Variants in OSBPL9 observed in about 807,000 individuals in gnomAD.
The protein encoded by OSBPL9 is oxysterol binding protein like 9.
OSBPL9 carries 40 observed loss-of-function variants against 106.6 expected under a neutral mutation model. The ratio of observed to expected loss-of-function variants is 0.38; its 90% CI spans 0.29 to 0.49. The LOEUF (loss-of-function observed/expected upper bound fraction) is 0.49. Among genes scored for constraint, OSBPL9 ranks in the 20% least tolerant of loss-of-function variants. The pLI is 0.97. For synonymous variants in OSBPL9, 269 were observed against 295.4 expected, an observed-to-expected ratio of 0.91 and a Z score of 0.92; for missense variants, 609 against 887.2, an observed-to-expected ratio of 0.69 and a Z score of 3.98.
intron 1 of OSBPL9, among the ~76,000 whole-genome samples, chr1:51,577,973 A>G (rs572915860): frequency 6.6e-6 from 1 of 152,330 alleles, no homozygotes; most frequent in South Asian, 2.1e-4. Flanking sequence ...TGTGCCACAA[A>G]TTTAAGAGTC....
At chr1:51,740,361 AT>A in intron 4 of OSBPL9, 2 of 1,004,540 alleles carry the variant, frequency 2.0e-6, no homozygotes, top group Non-Finnish European at 2.7e-6. Flanking sequence ...CTAAGTTTTC[AT>A]TAGTTTTATT....
intron 1 of OSBPL9, among the ~76,000 whole-genome samples, chr1:51,649,137 C>T (rs1339026262): frequency 6.6e-6 from 1 of 152,034 alleles, no homozygotes; most frequent in African/African-American, 2.4e-5. Context: ...TTGAAACAGT[C>T]ACACTGTTTC....
chr1:51,756,552 T>A, intron 9 of OSBPL9, 194 bp downstream of exon 9: 1 of 565,164 alleles, frequency 1.8e-6, no homozygotes, highest in Admixed American at 3.1e-5. Context: ...ATCTTAAAAT[T>A]TTTCTAAGTG....
chr1:51,525,656 A>G, the OSBPL9 span, among the ~76,000 whole-genome samples: 1 of 152,132 alleles, frequency 6.6e-6, no homozygotes, highest in African/African-American at 2.4e-5. Context: ...ACCACTTTTC[A>G]CCACCTCCAC....
intron 3 of OSBPL9, among the ~76,000 whole-genome samples, chr1:51,692,616 C>G (rs1557696504): frequency 6.7e-6 from 1 of 149,448 alleles, no homozygotes; most frequent in Non-Finnish European, 1.5e-5. Context: ...CTTTCTCTCT[C>G]TCCTTCCTTC....
At chr1:51,637,995 A>G (rs965779910) in intron 1 of OSBPL9, among the ~76,000 whole-genome samples, 4 of 152,134 alleles carry the variant, frequency 2.6e-5, no homozygotes, top group Non-Finnish European at 5.9e-5. Flanking sequence ...GTTCTAAAAT[A>G]CTTAGTATAA....
intron 21 of OSBPL9, 44 bp downstream of exon 21, chr1:51,785,930 T>A: frequency 1.3e-6 from 2 of 1,492,364 alleles, no homozygotes; most frequent in Non-Finnish European, 1.9e-6. Context: ...TACATTAGAT[T>A]GTACTCTATC....
At chr1:51,616,302 C>T (rs1285550615), upstream of OSBPL9, among the ~76,000 whole-genome samples, 1 of 152,040 alleles carries the variant, frequency 6.6e-6, no homozygotes, top group Non-Finnish European at 1.5e-5. Flanking sequence ...GCTTAAATTG[C>T]CCCTGTAGGC....
At chr1:51,705,393 ATATATATTTTTTTTT>A (rs1557713209) in intron 3 of OSBPL9, among the ~76,000 whole-genome samples, 2 of 54,662 alleles carry the variant, frequency 3.7e-5, no homozygotes, top group Admixed American at 2.3e-4. Flanking sequence ...ATATATATAT[ATATATATTTTTTTTT>A]TTTTTTTTTT....
chr1:51,574,342 G>A (rs1048605135), upstream of OSBPL9, among the ~76,000 whole-genome samples: 9 of 151,946 alleles, frequency 5.9e-5, no homozygotes, highest in East Asian at 1.9e-4. Context: ...GAAACAGGCC[G>A]GGCGCGGTGG....
At chr1:51,651,906 T>G in intron 1 of OSBPL9, 85 bp from the exon 2 acceptor site, 2 of 1,079,090 alleles carry the variant, frequency 1.9e-6, no homozygotes, top group Non-Finnish European at 2.8e-6. Flanking sequence ...ACTGTAAATC[T>G]TGTCCTTTTA....
intron 3 of OSBPL9, among the ~76,000 whole-genome samples, chr1:51,674,605 A>G (rs1330565583): frequency 6.6e-6 from 1 of 152,258 alleles, no homozygotes; most frequent in East Asian, 1.9e-4. Flanking sequence ...GAAGTTGAAA[A>G]TATGAATGCC....
chr1:51,618,414 T>C (rs942340846), intron 1 of OSBPL9, among the ~76,000 whole-genome samples: 3 of 152,152 alleles, frequency 2.0e-5, no homozygotes, highest in African/African-American at 4.8e-5. Context: ...AAAGGTACTT[T>C]CTCTGAATGG....
intron 4 of OSBPL9, among the ~76,000 whole-genome samples, chr1:51,723,109 A>T (rs1662450444): frequency 6.6e-6 from 1 of 152,086 alleles, no homozygotes; most frequent in South Asian, 2.1e-4. Flanking sequence ...AACATCCCCC[A>T]CCAGAGTGGT....
At chr1:51,648,524 T>C (rs763373736) in intron 1 of OSBPL9, among the ~76,000 whole-genome samples, 8 of 152,226 alleles carry the variant, frequency 5.3e-5, no homozygotes, top group Non-Finnish European at 1.0e-4. Flanking sequence ...CAGCTTCCTT[T>C]ATCAGAAAAG....
Position 51,729,869 on chromosome 1 carries a change from C to T in OSBPL9, c.319-15667C>T. On this transcript the variant is annotated intron_variant, in intron 4 of 23. Transcript: ENST00000428468. The surrounding 1 kb of genome is among the most constrained non-coding windows in gnomAD (Gnocchi z 5.1). ...CGGGCTGAACCTCAGTCAGGACCGC[C>T]TGCACCGCAGTCCGGGGATCGGGTC... 1.6e-6 allele frequency: 2 copies of T among 1,252,100 alleles called. No homozygotes were observed. The highest frequency in any genetic ancestry group is 1.5e-5 in the African/African-American group (1 of 64,744). 77.6% of individuals were successfully genotyped at this position (1,252,100 alleles called of 1,614,324 possible). A position where few individuals can be genotyped will look rare whatever the true frequency, so the allele number is the denominator to read the frequency against.
intron 3 of OSBPL9, 37 bp downstream of exon 3, chr1:51,669,549 C>T (rs1649351495): frequency 6.3e-7 from 1 of 1,587,020 alleles, no homozygotes; most frequent in East Asian, 2.2e-5. Flanking sequence ...CTTCATAGTC[C>T]CATCTGCTTC....
chr1:51,658,541 C>A (rs1646953867), intron 2 of OSBPL9, among the ~76,000 whole-genome samples: 2 of 152,102 alleles, frequency 1.3e-5, no homozygotes, highest in Admixed American at 1.3e-4. Flanking sequence ...TTTAGAGTGA[C>A]CCTCTTTTAC....
At position 51,703,231 on chromosome 1, in the gene OSBPL9, G is replaced by A. The variant is rs1218396869; in HGVS notation, c.242-10772G>A. Among the ~76,000 whole-genome samples, 4 of 152,240 alleles carry A rather than the reference G, an allele frequency of 2.6e-5. No individual in the cohort carries two copies. In the Middle Eastern group the frequency reaches 0.01, roughly 388 times the overall value. ...GCATTGAATCTATAAATTACCTTGGGCAGTGTGGCCATTTTCACGATATTG... is the reference window on the plus strand; with the variant it reads ...GCATTGAATCTATAAATTACCTTGGACAGTGTGGCCATTTTCACGATATTG... On this transcript the variant is annotated intron_variant, in intron 3 of 23. Transcript: ENST00000428468.
Sources: allele counts gnomAD v4.1 joint callset (sites outside exome capture counted in the v4.1 genomes callset), GRCh38; gene constraint gnomAD v4.1.1; non-coding constraint Gnocchi (gnomAD v3.1); transcripts MANE v1.5; gene names NCBI Gene and HGNC (gene_info 2026-07-23, HGNC 2026-07-21).